CD46: variants seen among roughly 807,000 people sequenced by gnomAD.
The protein encoded by CD46 is membrane cofactor protein.
Under a neutral mutation model 53.3 loss-of-function variants are expected in CD46, and 30 were observed. That is an observed-to-expected ratio of 0.56 (90% CI 0.42 to 0.76). The LOEUF (loss-of-function observed/expected upper bound fraction) is 0.76. Ranked by LOEUF, CD46 falls within the 30% of genes least tolerant of loss-of-function variation. CD46 has a pLI of 0.00. For synonymous variants in CD46, 142 were observed against 152.0 expected (o/e 0.93, Z 0.48); for missense variants, 409 against 463.0 (o/e 0.88, Z 1.07).
At chr1:207,777,631 T>A (rs1489884829) in intron 8 of CD46, among the ~76,000 whole-genome samples, 1 of 152,138 alleles carries the variant, frequency 6.6e-6, no homozygotes, top group Non-Finnish European at 1.5e-5. Flanking sequence ...TTCTTTTTTA[T>A]GGCTACGTAG....
At chr1:207,753,894 G>T (rs1015071895) in intron 1 of CD46, among the ~76,000 whole-genome samples, 5 of 152,100 alleles carry the variant, frequency 3.3e-5, no homozygotes, top group Non-Finnish European at 5.9e-5. Flanking sequence ...ACGAATATGG[G>T]TCTTGTATGT....
rs1199306254 is a variant in CD46, at chr1:207,757,011, T to G, written c.98-3T>G. ...CTTCATGTTCCTATTCTCTTATCCCTAGATGCCTGTGAGGAGCCACCAACA... is the reference window on the plus strand; with the variant it reads ...CTTCATGTTCCTATTCTCTTATCCCGAGATGCCTGTGAGGAGCCACCAACA... On this transcript the variant is annotated splice_region_variant and splice_polypyrimidine_tract_variant and intron_variant, in intron 1 of 12. Transcript: ENST00000367042. 6.2e-7 allele frequency: 1 copy of G among 1,612,148 alleles called. No individual in the cohort carries two copies. Among genetic ancestry groups the G allele is most frequent in the Non-Finnish European group, 8.5e-7 (1 of 1,178,374 alleles).
chr1:207,757,084 T>C lies in CD46; in HGVS notation c.168T>C (p.Ile56=). The C allele has an allele frequency of 6.2e-7, 1 of 1,614,086 alleles. No homozygotes were observed. The highest frequency in any genetic ancestry group is 8.5e-7 in the Non-Finnish European group (1 of 1,179,924). ...LIGKPKPYYE[I]GERVDYKCKK... ...GTAAACCAAAACCCTACTATGAGAT[T>C]GGTGAACGAGTAGATTATAAGTGTA... Residue 56 remains isoleucine, a synonymous_variant, in exon 2 of 13, where the codon ATT becomes ATC. Coordinates refer to ENST00000367042, the MANE Select transcript of CD46 (RefSeq NM_172351.3).
At chr1:207,769,509 A>G (rs1172162289) in intron 7 of CD46, 1 of 152,228 alleles carries the variant, frequency 6.6e-6, no homozygotes, top group Non-Finnish European at 1.5e-5. Context: ...TAAGCATTTC[A>G]TAAAGTATTT....
Position 207,752,168 on chromosome 1 carries a change from T to G in CD46, c.-45T>G. 1 of 1,581,228 alleles carries G rather than the reference T, an allele frequency of 6.3e-7. No individual in the cohort carries two copies. Among genetic ancestry groups the G allele is most frequent in the Non-Finnish European group, 8.7e-7 (1 of 1,153,602 alleles). ...TTCCCTGCTCGGCTGGCTCTCGGTT[T>G]CTCTGCTTTCCTCCGGAGAAATAAC... On this transcript the variant is annotated 5_prime_UTR_variant, in exon 1 of 13. Coordinates refer to ENST00000367042, the MANE Select transcript of CD46 (RefSeq NM_172351.3). This position sits in a 1 kb window ranked among gnomAD's most constrained non-coding sequence, Gnocchi z 4.1.
chr1:207,782,980 G>A (rs1302361744), intron 8 of CD46, among the ~76,000 whole-genome samples: 2 of 151,962 alleles, frequency 1.3e-5, no homozygotes, highest in Non-Finnish European at 2.9e-5. Context: ...ATTTTAATTA[G>A]AATCACATTG....
In CD46 at chr1:207,752,953, G is replaced by C. The variant is rs2102516332; in HGVS notation, c.97+644G>C. Among the ~76,000 whole-genome samples the C allele has an allele frequency of 6.6e-6, 1 of 152,188 alleles. No homozygotes were observed. Among genetic ancestry groups the C allele is most frequent in the South Asian group, 2.1e-4 (1 of 4,820 alleles). On this transcript the variant is annotated intron_variant, in intron 1 of 12. Coordinates refer to ENST00000367042, the MANE Select transcript of CD46 (RefSeq NM_172351.3). The surrounding 1 kb of genome is among the most constrained non-coding windows in gnomAD (Gnocchi z 4.1). Reference sequence around the variant, plus strand: ...TGGGGCTAGGGAGGGCATGTTGAGTGAGAGCAGGCTCTCGGTGCCTGGGGT... The same window carrying C: ...TGGGGCTAGGGAGGGCATGTTGAGTCAGAGCAGGCTCTCGGTGCCTGGGGT...
chr1:207,770,397 G>T (rs748624130), intron 8 of CD46, 35 bp downstream of exon 8: 3 of 1,413,534 alleles, frequency 2.1e-6, no homozygotes, highest in African/African-American at 1.4e-5. Flanking sequence ...ATATTGTTAA[G>T]AATTTATTTA....
chr1:207,793,503 A>G lies in CD46; in HGVS notation c.*42-16A>G, dbSNP rs186775054. 5.4e-5 allele frequency: 86 copies of G among 1,592,542 alleles called. No individual in the cohort carries two copies. In the East Asian group the frequency reaches 1.6e-3, roughly 30 times the overall value. Reference sequence around the variant, plus strand: ...TATATTTATCTTTGACATGATCTTTATACCTTGGTTTGCAGGAAAGCAGAT... The same window carrying G: ...TATATTTATCTTTGACATGATCTTTGTACCTTGGTTTGCAGGAAAGCAGAT... On this transcript the variant is annotated splice_polypyrimidine_tract_variant and intron_variant, in intron 12 of 12. Coordinates refer to ENST00000367042, the MANE Select transcript of CD46 (RefSeq NM_172351.3).
chr1:207,766,625 A>T (rs1298056074), intron 5 of CD46, among the ~76,000 whole-genome samples: 1 of 152,122 alleles, frequency 6.6e-6, no homozygotes, highest in African/African-American at 2.4e-5. Context: ...AAATTATTAA[A>T]ATTTACCACC....
chr1:207,756,684 A>G (rs2724383), intron 1 of CD46, among the ~76,000 whole-genome samples: 93,121 of 152,046 alleles, frequency 0.61, 28,895 homozygotes, highest in East Asian at 0.91. Flanking sequence ...TTCTTAGAGG[A>G]GAAGTTACTT....
intron 8 of CD46, among the ~76,000 whole-genome samples, chr1:207,781,662 C>T (rs1449694849): frequency 2.0e-5 from 3 of 152,132 alleles, no homozygotes; most frequent in East Asian, 3.9e-4. Context: ...TTACCAGCAC[C>T]ATTTGTAGAA....
chr1:207,767,844 T>C (rs763460705), intron 7 of CD46, 21 bp downstream of exon 7: 2 of 1,580,386 alleles, frequency 1.3e-6, no homozygotes, highest in South Asian at 1.1e-5. Context: ...TTCCTGCTTA[T>C]AGTTTTTCAA....
intron 6 of CD46, chr1:207,767,557 G>C: frequency 7.2e-7 from 1 of 1,382,548 alleles, no homozygotes; most frequent in Non-Finnish European, 1.0e-6. Flanking sequence ...AATGAAATGA[G>C]AGCAATAACT....
At chr1:207,757,763 C>T in intron 3 of CD46, 121 bp downstream of exon 3, 2 of 704,572 alleles carry the variant, frequency 2.8e-6, no homozygotes, top group Non-Finnish European at 2.6e-6. Flanking sequence ...ATACTTCTAG[C>T]CAAACAACTC....
Position 207,783,286 on chromosome 1 carries a change from T to C in CD46, c.944-6T>C. On this transcript the variant is annotated splice_region_variant and splice_polypyrimidine_tract_variant and intron_variant, in intron 8 of 12. Transcript: ENST00000367042. ...AATTTAATCTATATTTCTTCTTTTT[T>C]CCTAGGATATCCTAAACCTGAGGAA... The C allele has an allele frequency of 6.9e-7, 1 of 1,452,434 alleles. No individual in the cohort carries two copies. The highest frequency in any genetic ancestry group is 1.2e-5 in the South Asian group (1 of 85,866). 90.0% of individuals were successfully genotyped at this position (1,452,434 alleles called of 1,614,324 possible).
At chr1:207,781,874 G>C (rs1403902878) in intron 8 of CD46, among the ~76,000 whole-genome samples, 1 of 151,712 alleles carries the variant, frequency 6.6e-6, no homozygotes, top group African/African-American at 2.4e-5. Flanking sequence ...TTGTTTCTAG[G>C]ATTGTTTTGG....
At chr1:207,754,738 G>T (rs1346269165) in intron 1 of CD46, among the ~76,000 whole-genome samples, 1 of 152,032 alleles carries the variant, frequency 6.6e-6, no homozygotes, top group Non-Finnish European at 1.5e-5. Flanking sequence ...TCCCCTATTT[G>T]TTGACTCTGC....
intron 8 of CD46, among the ~76,000 whole-genome samples, chr1:207,772,724 C>A (rs918049610): frequency 1.3e-5 from 2 of 152,144 alleles, no homozygotes; most frequent in African/African-American, 4.8e-5. Context: ...TAATGTTGAA[C>A]CAGCCTTGTA....
Sources: gnomAD v4.1 joint callset for allele counts (sites outside exome capture counted in the v4.1 genomes callset) on GRCh38, gnomAD v4.1.1 for gene constraint, Gnocchi (gnomAD v3.1) non-coding constraint, MANE v1.5 for transcripts, NCBI Gene and HGNC (gene_info 2026-07-23, HGNC 2026-07-21) for gene names.